Variants in RIPK4 observed in about 807,000 individuals in gnomAD.
The protein encoded by RIPK4 is receptor-interacting serine/threonine-protein kinase 4.
A neutral mutation model predicts 42.9 loss-of-function variants in RIPK4; 17 were observed. The observed-to-expected ratio is 0.40, with a 90% CI of 0.27 to 0.59. The LOEUF (loss-of-function observed/expected upper bound fraction) is 0.59. RIPK4 is among the 20% of genes least tolerant of loss of function. The pLI is 0.47. For missense variants in RIPK4, 897 were observed against 1,104.4 expected, an observed-to-expected ratio of 0.81 and a Z score of 2.66; for synonymous variants, 498 against 499.1, an observed-to-expected ratio of 1.00 and a Z score of 0.03.
intron 1 of RIPK4, among the ~76,000 whole-genome samples, chr21:41,764,253 G>C (rs960123387): frequency 6.6e-6 from 1 of 152,200 alleles, no homozygotes; most frequent in African/African-American, 2.4e-5. Flanking sequence ...TGTGGCCAAG[G>C]GCCGGCTGAA....
At chr21:41,756,279 C>T (rs1426301164) in intron 2 of RIPK4, among the ~76,000 whole-genome samples, 1 of 152,220 alleles carries the variant, frequency 6.6e-6, no homozygotes, top group East Asian at 1.9e-4. Context: ...TTTGGGGGAA[C>T]AGCCCCCATG....
rs1046665725 is a variant in RIPK4, at chr21:41,749,161, C to T, written c.666G>A (p.Pro222=). ...VIWGVLTQKK[P]FADEKNILHI... Reference sequence around the variant, plus strand: ...AAAGACAGGTCCACTCACCTGCAAACGGCTTCTTCTGTGTGAGCACGCCCC... The same window carrying T: ...AAAGACAGGTCCACTCACCTGCAAATGGCTTCTTCTGTGTGAGCACGCCCC... Residue 222 remains proline, a synonymous_variant, in exon 4 of 8, where the codon CCG becomes CCA. Transcript: ENST00000332512. The T allele has an allele frequency of 7.4e-6, 12 of 1,613,692 alleles. No homozygotes were observed. Among genetic ancestry groups the T allele is most frequent in the East Asian group, 2.2e-5 (1 of 44,880 alleles).
chr21:41,756,208 T>C (rs1237963792), intron 2 of RIPK4, among the ~76,000 whole-genome samples: 1 of 152,206 alleles, frequency 6.6e-6, no homozygotes, highest in Non-Finnish European at 1.5e-5. Flanking sequence ...TCTAACCTGA[T>C]TTCATAAGAC....
Position 41,756,561 on chromosome 21 carries a change from G to A in RIPK4, c.438C>T (p.Pro146=), listed in dbSNP as rs780655866. The change falls in exon 2 of 8, where the codon CCC becomes CCT. Residue 146 remains proline (P), a synonymous_variant. Coordinates refer to ENST00000332512, the MANE Select transcript of RIPK4 (RefSeq NM_020639.3). ...APPLLHLDLK[P]ANILLDAHYH... ...AGTGGGCATCCAGCAGGATGTTCGC[G>A]GGCTTGAGGTCCAGGTGCAGGAGTG... 1.3e-5 allele frequency: 21 copies of A among 1,613,654 alleles called. No individual in the cohort carries two copies. The highest frequency in any genetic ancestry group is 5.0e-5 in the Admixed American group (3 of 59,996).
chr21:41,740,758 GC>G lies in RIPK4; in HGVS notation c.*79del. On this transcript the variant is annotated 3_prime_UTR_variant, in exon 8 of 8. Coordinates refer to ENST00000332512, the MANE Select transcript of RIPK4 (RefSeq NM_020639.3). ...TAGGTAAGCCACAACAGGGCCCCACGCAGGATCGTTCCATCCCCACGAGGAA... is the reference window on the plus strand; with the variant it reads ...TAGGTAAGCCACAACAGGGCCCCACGAGGATCGTTCCATCCCCACGAGGAA... 1 of 1,411,712 alleles carries G rather than the reference GC, an allele frequency of 7.1e-7. No homozygotes were observed. The highest frequency in any genetic ancestry group is 9.5e-7 in the Non-Finnish European group (1 of 1,055,892). 87.4% of individuals were successfully genotyped at this position (1,411,712 alleles called of 1,614,324 possible).
chr21:41,765,465 A>T (rs8126778), intron 1 of RIPK4, among the ~76,000 whole-genome samples: 41,810 of 152,164 alleles, frequency 0.27, 6,133 homozygotes, highest in African/African-American at 0.35. Context: ...TTTGAGGGTT[A>T]CGGCAAAAAG....
rs186328261 is a variant in RIPK4, at chr21:41,739,614, C to G, written c.*1224G>C. On this transcript the variant is annotated 3_prime_UTR_variant, in exon 8 of 8. Transcript: ENST00000332512. ...CGGTACATGTTTGCACGCAGGGTCA[C>G]GTTCTGCAACAAACTTATTCTAATA... 1 of 152,340 alleles carries G rather than the reference C, an allele frequency of 6.6e-6. No individual in the cohort carries two copies. Among genetic ancestry groups the G allele is most frequent in the East Asian group, 1.9e-4 (1 of 5,194 alleles). 9.4% of individuals were successfully genotyped at this position (152,340 alleles called of 1,614,324 possible).
Position 41,751,293 on chromosome 21 carries a change from AT to A in RIPK4, c.475-49del, listed in dbSNP as rs1345478111. On this transcript the variant is annotated intron_variant, in intron 2 of 7. Transcript: ENST00000332512. The surrounding 1 kb of genome is among the most constrained non-coding windows in gnomAD (Gnocchi z 4.5). ...GGGCTCATTAGCCTGCAACAGTGATATTTTATGATGCTTTATCAAAAGCTCC... is the reference window on the plus strand; with the variant it reads ...GGGCTCATTAGCCTGCAACAGTGATATTTATGATGCTTTATCAAAAGCTCC... 4 of 1,603,054 alleles carry A rather than the reference AT, an allele frequency of 2.5e-6. No homozygotes were observed.
rs1478514363 is a variant in RIPK4 at position 41,756,865 on chromosome 21, AAACATGG to A, written c.183-56_183-50del. On this transcript the variant is annotated intron_variant, in intron 1 of 7. Transcript: ENST00000332512. Reference sequence around the variant, plus strand: ...GAATACGCAATGGTCACTCAGCCACAAACATGGAACAGCACCCTGGCCAGAAGACGAC... The same window carrying A: ...GAATACGCAATGGTCACTCAGCCACAAACAGCACCCTGGCCAGAAGACGAC... 3 of 1,579,550 alleles carry A rather than the reference AAACATGG, an allele frequency of 1.9e-6. No homozygotes were observed. The African/African-American group carries it at 4.0e-5, about 21-fold the overall frequency.
intron 4 of RIPK4, among the ~76,000 whole-genome samples, chr21:41,747,513 C>T (rs909311125): frequency 6.6e-6 from 1 of 152,194 alleles, no homozygotes; most frequent in South Asian, 2.1e-4. Flanking sequence ...CCTCTCTGCC[C>T]TCCAGATCCA....
At chr21:41,753,147 A>G (rs1320559605) in intron 2 of RIPK4, among the ~76,000 whole-genome samples, 3 of 152,308 alleles carry the variant, frequency 2.0e-5, no homozygotes, top group East Asian at 3.9e-4. Context: ...TGTACAAGTT[A>G]GTAGCTCCGT....
intron 1 of RIPK4, among the ~76,000 whole-genome samples, chr21:41,757,090 G>T (rs922731483): frequency 1.3e-5 from 2 of 152,156 alleles, no homozygotes; most frequent in South Asian, 4.2e-4. Context: ...TAACACATGT[G>T]GGGGGTCCAC....
chr21:41,756,782 T>C lies in RIPK4; in HGVS notation c.217A>G (p.Met73Val), dbSNP rs1470527803. ...ATGTAGCGAAACTTGGCCATCTCCATCTTCTTGGCTTCTTCCAAAAGCTCC... is the reference window on the plus strand; with the variant it reads ...ATGTAGCGAAACTTGGCCATCTCCACCTTCTTGGCTTCTTCCAAAAGCTCC... ...RMELLEEAKK[M>V]EMAKFRYILP... The change falls in exon 2 of 8, where the codon ATG (methionine) becomes GTG (valine). Residue 73 changes from methionine to valine, a missense_variant. Met to Val is a conservative substitution (Grantham distance 21). Transcript: ENST00000332512. 6.2e-7 allele frequency: 1 copy of C among 1,613,786 alleles called. No individual in the cohort carries two copies. The highest frequency in any genetic ancestry group is 8.5e-7 in the Non-Finnish European group (1 of 1,179,822).
At chr21:41,744,251 G>C in intron 6 of RIPK4, 111 bp from the exon 7 acceptor site, 2 of 1,016,448 alleles carry the variant, frequency 2.0e-6, no homozygotes, top group South Asian at 3.4e-5. Flanking sequence ...AGATGGGGGA[G>C]GAAAGGACGG....
rs2061157775 is a variant in RIPK4, at chr21:41,742,487, C to T, written c.1196-490G>A. Among the ~76,000 whole-genome samples, 2 of 152,196 alleles carry T rather than the reference C, an allele frequency of 1.3e-5. No individual in the cohort carries two copies. The highest frequency in any genetic ancestry group is 1.3e-4 in the Admixed American group (2 of 15,286). ...CTTGCCCCACCTCGAAGTGGCACCT[C>T]CTGACCTGGGGAGGTTAAGTCGGAA... On this transcript the variant is annotated intron_variant, in intron 7 of 7. Coordinates refer to ENST00000332512, the MANE Select transcript of RIPK4 (RefSeq NM_020639.3). The surrounding 1 kb of genome is among the most constrained non-coding windows in gnomAD (Gnocchi z 5.1).
chr21:41,752,693 T>A (rs2061192114), intron 2 of RIPK4, among the ~76,000 whole-genome samples: 3 of 152,088 alleles, frequency 2.0e-5, no homozygotes, highest in Non-Finnish European at 4.4e-5. Flanking sequence ...ACTCTCCAAA[T>A]AGCTCCAGAG....
rs563560488 is a variant in RIPK4, at chr21:41,746,685, C to T, written c.760G>A (p.Ala254Thr). The T allele has an allele frequency of 6.0e-5, 97 of 1,611,048 alleles. 1 individual carries two copies. The South Asian group carries it at 7.7e-4, about 13-fold the overall frequency. The stretch of plus-strand genomic sequence containing the variant: ...ATGAGGCGTATCAGGTGGCTGCAGG[C>T]GCGCGGCCGGGCTCTGCACACGGGC... ...LPPVCRARPR[A>T]CSHLIRLMQR... The change falls in exon 5 of 8, where the codon GCC (alanine) becomes ACC (threonine). Residue 254 changes from alanine to threonine, a missense_variant. Coordinates refer to ENST00000332512, the MANE Select transcript of RIPK4 (RefSeq NM_020639.3).
chr21:41,745,762 G>C lies in RIPK4; in HGVS notation c.933C>G (p.Ser311Arg). ...LDVKSPPEPR[S>R]EVVPARLKRA... ...CCCTGTGGGAAGGACTCGTTACCTC[G>C]CTCCTGGGCTCCGGGGGGCTTTTCA... The change falls in exon 6 of 8, where the codon AGC (serine) becomes AGG (arginine). Residue 311 changes from serine (S) to arginine (R), a missense_variant. Transcript: ENST00000332512. The C allele has an allele frequency of 1.9e-6, 3 of 1,613,262 alleles. No homozygotes were observed. The highest frequency in any genetic ancestry group is 2.5e-6 in the Non-Finnish European group (3 of 1,179,278).
intron 1 of RIPK4, 99 bp downstream of exon 1, chr21:41,766,761 G>A: frequency 1.6e-6 from 2 of 1,261,264 alleles, no homozygotes. Flanking sequence ...CTCCGGGGGT[G>A]AGTTCGGGAG....
Sources: allele counts gnomAD v4.1 joint callset (sites outside exome capture counted in the v4.1 genomes callset), GRCh38; gene constraint gnomAD v4.1.1; non-coding constraint Gnocchi (gnomAD v3.1); transcripts MANE v1.5; gene names NCBI Gene and HGNC (gene_info 2026-07-23, HGNC 2026-07-21).